Variants in GALNTL6 observed in about 807,000 individuals in gnomAD.
The protein encoded by GALNTL6 is polypeptide N-acetylgalactosaminyltransferase like 6.
GALNTL6 carries 46 observed loss-of-function variants against 73.7 expected under a neutral mutation model. The observed-to-expected ratio is 0.62, with a 90% CI of 0.49 to 0.80. The LOEUF is 0.80. GALNTL6 is among the 30% of genes least tolerant of loss of function. GALNTL6 has a pLI of 0.00. For synonymous variants in GALNTL6, 259 were observed against 263.7 expected (o/e 0.98, Z 0.17); for missense variants, 604 against 755.0 (o/e 0.80, Z 2.34).
chr4:172,300,263 T>A (rs1192671910), intron 3 of GALNTL6, among the ~76,000 whole-genome samples: 3 of 152,192 alleles, frequency 2.0e-5, no homozygotes, highest in Non-Finnish European at 2.9e-5. Flanking sequence ...CCCATGTGTG[T>A]CTCTGCATGT....
intron 5 of GALNTL6, among the ~76,000 whole-genome samples, chr4:172,521,138 T>C (rs1163240419): frequency 6.6e-6 from 1 of 152,100 alleles, no homozygotes; most frequent in Non-Finnish European, 1.5e-5. Context: ...AATAATACTA[T>C]CTACAAATGG....
intron 5 of GALNTL6, among the ~76,000 whole-genome samples, chr4:172,769,579 A>ATG (rs1184498284): frequency 1.3e-5 from 2 of 152,220 alleles, no homozygotes; most frequent in Admixed American, 6.5e-5. Flanking sequence ...CAAAAGGAAG[A>ATG]TGTCCAATGG....
At chr4:172,845,327 G>A (rs752464556) in intron 7 of GALNTL6, among the ~76,000 whole-genome samples, 3 of 152,044 alleles carry the variant, frequency 2.0e-5, no homozygotes, top group Non-Finnish European at 4.4e-5. Flanking sequence ...GGGCCTCAGA[G>A]ACATTAATCC....
chr4:172,031,668 G>T (rs1288238363), intron 2 of GALNTL6, among the ~76,000 whole-genome samples: 1 of 151,984 alleles, frequency 6.6e-6, no homozygotes, highest in East Asian at 2.0e-4. Flanking sequence ...TCTGCCATTC[G>T]ATAGGCAGCC....
At chr4:171,986,269 G>C (rs1740080526) in intron 2 of GALNTL6, among the ~76,000 whole-genome samples, 1 of 151,514 alleles carries the variant, frequency 6.6e-6, no homozygotes, top group African/African-American at 2.4e-5. Flanking sequence ...GAAAATTACA[G>C]TCAAAGGGGG....
At chr4:171,893,336 G>A (rs1736815299) in intron 2 of GALNTL6, among the ~76,000 whole-genome samples, 1 of 152,110 alleles carries the variant, frequency 6.6e-6, no homozygotes, top group Non-Finnish European at 1.5e-5. Context: ...AACTATGTAA[G>A]ATGGATATTA....
chr4:172,994,379 G>C (rs925770594), intron 10 of GALNTL6, among the ~76,000 whole-genome samples: 1 of 152,174 alleles, frequency 6.6e-6, no homozygotes, highest in Non-Finnish European at 1.5e-5. Context: ...CCATTAGTTT[G>C]ATTTTAGAGC....
At chr4:172,112,366 G>A (rs1222862492) in intron 2 of GALNTL6, among the ~76,000 whole-genome samples, 1 of 151,996 alleles carries the variant, frequency 6.6e-6, no homozygotes, top group African/African-American at 2.4e-5. Context: ...TCCATGTGTA[G>A]GTTTTTTTGT....
chr4:172,387,924 C>A (rs1471106564), intron 5 of GALNTL6, among the ~76,000 whole-genome samples: 1 of 151,982 alleles, frequency 6.6e-6, no homozygotes, highest in Admixed American at 6.6e-5. Flanking sequence ...TCATCTTTAC[C>A]ATAAATATTA....
At chr4:171,975,341 G>C (rs778147701) in intron 2 of GALNTL6, among the ~76,000 whole-genome samples, 24 of 152,186 alleles carry the variant, frequency 1.6e-4, no homozygotes, top group Admixed American at 6.5e-4. Context: ...GGTTCTGCCT[G>C]AAAATAATTA....
intron 2 of GALNTL6, among the ~76,000 whole-genome samples, chr4:171,913,837 C>T (rs1737540376): frequency 6.7e-6 from 1 of 150,306 alleles, no homozygotes; most frequent in African/African-American, 2.5e-5. Context: ...GGATTTAGCA[C>T]AATAAAAAGT....
chr4:172,230,738 A>G (rs1022762258), intron 3 of GALNTL6, among the ~76,000 whole-genome samples: 2 of 152,182 alleles, frequency 1.3e-5, no homozygotes, highest in Non-Finnish European at 2.9e-5. Context: ...ATTCAGCCAA[A>G]TAAGTTATTT....
chr4:172,303,903 GTGATAAA>G lies in GALNTL6; in HGVS notation c.248-7709_248-7703del, dbSNP rs1216590080. 9.9e-5 allele frequency among the ~76,000 whole-genome samples: 15 copies of G among 152,214 alleles called. No homozygotes were observed. The East Asian group carries it at 2.7e-3, about 27-fold the overall frequency. On this transcript the variant is annotated intron_variant, in intron 3 of 12. Coordinates refer to ENST00000506823, the MANE Select transcript of GALNTL6 (RefSeq NM_001034845.3). ...GTCTGTTTATGTGTCCCATCTCATT[GTGATAAA>G]TCCTTTGTCTGCCTCATAATACAAA...
At chr4:172,647,524 G>C (rs1319367427) in intron 5 of GALNTL6, among the ~76,000 whole-genome samples, 1 of 151,826 alleles carries the variant, frequency 6.6e-6, no homozygotes, top group African/African-American at 2.4e-5. Context: ...CAGGGCCCAG[G>C]CTGAGGCACG....
At chr4:172,109,149 T>C (rs1460030334) in intron 2 of GALNTL6, among the ~76,000 whole-genome samples, 2 of 152,178 alleles carry the variant, frequency 1.3e-5, no homozygotes, top group Non-Finnish European at 2.9e-5. Flanking sequence ...TTTTTGAGAA[T>C]TCACTGAATC....
At chr4:172,383,416 TA>T (rs1191341628) in intron 5 of GALNTL6, among the ~76,000 whole-genome samples, 2 of 152,194 alleles carry the variant, frequency 1.3e-5, no homozygotes, top group Non-Finnish European at 2.9e-5. Context: ...TTTTCATTAC[TA>T]ATGTATAGAC....
intron 2 of GALNTL6, chr4:172,052,587 C>T (rs981857667): frequency 6.8e-5 from 81 of 1,191,990 alleles, no homozygotes; most frequent in Non-Finnish European, 8.1e-5. Flanking sequence ...TAGGGTGGTT[C>T]GTCTCATGGA....
At chr4:172,275,823 G>T (rs1396975325) in intron 3 of GALNTL6, among the ~76,000 whole-genome samples, 2 of 152,038 alleles carry the variant, frequency 1.3e-5, no homozygotes, top group African/African-American at 4.8e-5. Flanking sequence ...CAGGTGTGGT[G>T]GTGCATACCT....
chr4:172,240,672 T>C (rs894510360), intron 3 of GALNTL6, among the ~76,000 whole-genome samples: 1 of 152,214 alleles, frequency 6.6e-6, no homozygotes, highest in African/African-American at 2.4e-5. Context: ...ATTCTTGTAG[T>C]GTGTCTTTCA....
Sources: gnomAD v4.1 joint callset for allele counts (sites outside exome capture counted in the v4.1 genomes callset) on GRCh38, gnomAD v4.1.1 for gene constraint, MANE v1.5 for transcripts, NCBI Gene and HGNC (gene_info 2026-07-23, HGNC 2026-07-21) for gene names.